The following WDR27 variants were observed in gnomAD, a reference collection of about 807,000 sequenced individuals.
WDR27 encodes the protein WD repeat domain 27.
In WDR27, 100 loss-of-function variants were observed where a neutral mutation model predicts 114.4. The observed-to-expected ratio is 0.87, with a 90% CI of 0.74 to 1.03. The LOEUF (loss-of-function observed/expected upper bound fraction) is 1.03. Ranked by LOEUF, WDR27 falls within the 50% of genes least tolerant of loss-of-function variation. The pLI, the probability that WDR27 is intolerant of heterozygous loss-of-function variation, is 0.00. For synonymous variants in WDR27, 449 were observed against 423.1 expected, an observed-to-expected ratio of 1.06 and a Z score of -0.75; for missense variants, 1,129 against 1,092.9, an observed-to-expected ratio of 1.03 and a Z score of -0.47.
chr6:169,687,299 G>T (rs943709951), intron 2 of WDR27, among the ~76,000 whole-genome samples: 1 of 152,038 alleles, frequency 6.6e-6, no homozygotes, highest in East Asian at 1.9e-4. Context: ...ATTGCCATAT[G>T]ATTCTATTTA....
chr6:169,562,533 G>A (rs1428956142), intron 25 of WDR27, among the ~76,000 whole-genome samples: 1 of 152,004 alleles, frequency 6.6e-6, no homozygotes, highest in Non-Finnish European at 1.5e-5. Context: ...CTGTGTCAGG[G>A]GCTTCTGAGA....
chr6:169,668,073 A>G lies in WDR27; in HGVS notation c.569T>C (p.Leu190Pro). 6.2e-7 allele frequency: 1 copy of G among 1,613,938 alleles called. No individual in the cohort carries two copies. Among genetic ancestry groups the G allele is most frequent in the Non-Finnish European group, 8.5e-7 (1 of 1,179,808 alleles). The change falls in exon 5 of 26, where the codon CTG (leucine) becomes CCG (proline). Residue 190 changes from leucine (L) to proline (P), a missense_variant. Coordinates refer to ENST00000448612, the MANE Select transcript of WDR27 (RefSeq NM_182552.5). Reference protein sequence around the residue: ...FSQTQAVRAELQGHLGPVTAV... With the variant: ...FSQTQAVRAEPQGHLGPVTAV... ...AGTCACCGGGCCCAGGTGGCCCTGC[A>G]GCTCGGCCCGAACAGCCTGAGTCTG... is the stretch of plus-strand genomic sequence containing the variant.
chr6:169,441,152 C>T, the WDR27 span, among the ~76,000 whole-genome samples: 1 of 151,958 alleles, frequency 6.6e-6, no homozygotes, highest in East Asian at 1.9e-4. Context: ...GGCAAACCTG[C>T]CCTAAGAAAG....
At chr6:169,444,183 C>T in the WDR27 span, among the ~76,000 whole-genome samples, 1 of 152,202 alleles carries the variant, frequency 6.6e-6, no homozygotes, top group African/African-American at 2.4e-5. Flanking sequence ...TATCCTTTAT[C>T]TAACTCCCGC....
chr6:169,474,861 G>A (rs551231856), intron 25 of WDR27, among the ~76,000 whole-genome samples: 2 of 152,242 alleles, frequency 1.3e-5, no homozygotes, highest in Admixed American at 6.5e-5. Flanking sequence ...AATCAATGGG[G>A]CTTCATTCTG....
intron 21 of WDR27, among the ~76,000 whole-genome samples, chr6:169,622,508 C>T (rs916166468): frequency 1.3e-5 from 2 of 152,172 alleles, no homozygotes; most frequent in African/African-American, 4.8e-5. Flanking sequence ...ACTGTTAACA[C>T]TTTACTCTCC....
At chr6:169,621,193 C>T (rs1318256522) in intron 21 of WDR27, among the ~76,000 whole-genome samples, 1 of 152,164 alleles carries the variant, frequency 6.6e-6, no homozygotes, top group East Asian at 1.9e-4. Context: ...TACATACATA[C>T]ACCCATGCAC....
chr6:169,633,115 G>C (rs1423725949), intron 20 of WDR27, 47 bp from the exon 21 acceptor site: 3 of 1,538,266 alleles, frequency 2.0e-6, no homozygotes, highest in Admixed American at 1.8e-5. Flanking sequence ...CTTACCCATG[G>C]GGAAGGGACA....
chr6:169,454,882 C>T (rs2115234966), downstream of WDR27, among the ~76,000 whole-genome samples: 1 of 152,346 alleles, frequency 6.6e-6, no homozygotes, highest in Admixed American at 6.5e-5. Context: ...CAGCACTTGT[C>T]CACAGGTGTG....
chr6:169,556,481 G>A (rs1009384119), intron 25 of WDR27, among the ~76,000 whole-genome samples: 3 of 152,158 alleles, frequency 2.0e-5, no homozygotes, highest in African/African-American at 7.2e-5. Flanking sequence ...ATGTAGCAAC[G>A]GGTTATAGAT....
chr6:169,689,621 C>T (rs1030408921), intron 1 of WDR27, among the ~76,000 whole-genome samples: 3 of 152,210 alleles, frequency 2.0e-5, no homozygotes, highest in Non-Finnish European at 4.4e-5. Flanking sequence ...GAAACACTGA[C>T]AAAGATAAAA....
At chr6:169,573,206 G>C (rs1801735842) in intron 24 of WDR27, among the ~76,000 whole-genome samples, 1 of 152,062 alleles carries the variant, frequency 6.6e-6, no homozygotes, top group African/African-American at 2.4e-5. Flanking sequence ...TTGTGTTCTA[G>C]GGTAACAGTA....
chr6:169,555,676 G>A (rs545251183), intron 25 of WDR27, among the ~76,000 whole-genome samples: 3 of 152,226 alleles, frequency 2.0e-5, no homozygotes, highest in African/African-American at 7.2e-5. Context: ...AATGGAGCCC[G>A]TAAGATTACC....
In WDR27 at chr6:169,636,273, T is replaced by A; in HGVS notation, c.2003+98A>T. The A allele has an allele frequency of 2.8e-6, 4 of 1,412,640 alleles. No homozygotes were observed. The South Asian group carries it at 5.4e-5, about 19-fold the overall frequency. 87.5% of individuals were successfully genotyped at this position (1,412,640 alleles called of 1,614,324 possible). The stretch of plus-strand genomic sequence containing the variant: ...TGGTGATATGAGGTCATTATTAAAT[T>A]TGGGGCAACATTTTAAAATGTAAAT... On this transcript the variant is annotated intron_variant, in intron 19 of 25. Transcript: ENST00000448612.
At chr6:169,626,794 C>T (rs986024373) in intron 21 of WDR27, among the ~76,000 whole-genome samples, 8 of 152,354 alleles carry the variant, frequency 5.3e-5, no homozygotes, top group African/African-American at 1.9e-4. Context: ...AGAACCAGCC[C>T]TTCGAGAGGC....
chr6:169,511,936 A>AT (rs758591905), intron 25 of WDR27, among the ~76,000 whole-genome samples: 79 of 152,292 alleles, frequency 5.2e-4, no homozygotes, highest in Non-Finnish European at 1.0e-3. Flanking sequence ...AAATGTAATG[A>AT]TTGGGGAAGC....
chr6:169,503,364 G>A (rs1254602400), intron 25 of WDR27, among the ~76,000 whole-genome samples: 1 of 152,212 alleles, frequency 6.6e-6, no homozygotes, highest in Non-Finnish European at 1.5e-5. Context: ...TAGGTCCAAA[G>A]TTGAAGACAA....
intron 25 of WDR27, among the ~76,000 whole-genome samples, chr6:169,478,506 T>A (rs754152732): frequency 1.3e-5 from 2 of 152,146 alleles, no homozygotes; most frequent in Non-Finnish European, 2.9e-5. Flanking sequence ...TTATGAAGAA[T>A]TATAAGCCTA....
At chr6:169,545,640 T>C (rs887053423) in intron 25 of WDR27, among the ~76,000 whole-genome samples, 2 of 152,164 alleles carry the variant, frequency 1.3e-5, no homozygotes, top group African/African-American at 4.8e-5. Context: ...ATTGTGCCAC[T>C]GCGCTCCAGC....
Sources: gnomAD v4.1 joint callset for allele counts (sites outside exome capture counted in the v4.1 genomes callset) on GRCh38, gnomAD v4.1.1 for gene constraint, MANE v1.5 for transcripts, NCBI Gene and HGNC (gene_info 2026-07-23, HGNC 2026-07-21) for gene names.